ATF6: variants seen among roughly 807,000 people sequenced by gnomAD.
ATF6 encodes the protein cyclic AMP-dependent transcription factor ATF-6 alpha.
Under a neutral mutation model 83.6 loss-of-function variants are expected in ATF6, and 53 were observed. The observed-to-expected ratio is 0.63, with a 90% confidence interval of 0.51 to 0.80. ATF6 has a LOEUF of 0.80. Among genes scored for constraint, ATF6 ranks in the 30% least tolerant of loss-of-function variants. ATF6 has a pLI of 0.00. For synonymous variants in ATF6, 288 were observed against 285.8 expected, an observed-to-expected ratio of 1.01 and a Z score of -0.08; for missense variants, 744 against 797.9, an observed-to-expected ratio of 0.93 and a Z score of 0.81.
At chr1:161,880,092 T>C (rs1037630022) in intron 14 of ATF6, among the ~76,000 whole-genome samples, 1 of 152,112 alleles carries the variant, frequency 6.6e-6, no homozygotes, top group Non-Finnish European at 1.5e-5. Context: ...ATAAAATCCT[T>C]GTGTTCAGAT....
chr1:161,794,716 A>G (rs1209784457), intron 6 of ATF6, among the ~76,000 whole-genome samples: 1 of 152,074 alleles, frequency 6.6e-6, no homozygotes, highest in Admixed American at 6.6e-5. Flanking sequence ...TGTTTTTCCT[A>G]GTTTTTTGGC....
At chr1:161,818,544 T>C (rs890087367) in intron 7 of ATF6, among the ~76,000 whole-genome samples, 10 of 152,168 alleles carry the variant, frequency 6.6e-5, no homozygotes, top group Admixed American at 5.9e-4. Flanking sequence ...CAGTATATCC[T>C]CCAAATTCTA....
rs1211736055 is a variant in ATF6, at chr1:161,851,811, T to G, written c.1409T>G (p.Leu470Arg). The change falls in exon 11 of 16, where the codon CTA becomes CGA. Residue 470 changes from leucine to arginine, a missense_variant. Leu to Arg is a moderately radical substitution (Grantham distance 102). Transcript: ENST00000367942. ...LYIPPPPCQP[L>R]INTTESLRLN... ...ATTCCTCCACCTCCTTGTCAGCCCC[T>G]AATTAACACAACAGAGTCTCTCAGG... 1 of 1,613,330 alleles carries G rather than the reference T, an allele frequency of 6.2e-7. No homozygotes were observed. Among genetic ancestry groups the G allele is most frequent in the Non-Finnish European group, 8.5e-7 (1 of 1,179,312 alleles).
intron 9 of ATF6, among the ~76,000 whole-genome samples, chr1:161,831,086 T>A (rs1182635364): frequency 6.6e-6 from 1 of 151,852 alleles, no homozygotes; most frequent in African/African-American, 2.4e-5. Flanking sequence ...TACAAAGAAC[T>A]CAAACAAATT....
rs191113196 is a variant in ATF6, at chr1:161,780,388, T to C, written c.160-1524T>C. Among the ~76,000 whole-genome samples the C allele has an allele frequency of 9.9e-3, 1,509 of 152,186 alleles. 8 individuals carry two copies. Among genetic ancestry groups the C allele is most frequent in the South Asian group, 0.017 (84 of 4,822 alleles). On this transcript the variant is annotated intron_variant, in intron 2 of 15. Transcript: ENST00000367942. Reference sequence around the variant, plus strand: ...TTTTTTATTTTTATTTTTATTTTTTTTTTGAGACGGAGTCTTGCTCTGTCG... The same window carrying C: ...TTTTTTATTTTTATTTTTATTTTTTCTTTGAGACGGAGTCTTGCTCTGTCG...
At chr1:161,855,568 T>G (rs1416260345) in intron 12 of ATF6, among the ~76,000 whole-genome samples, 1 of 152,056 alleles carries the variant, frequency 6.6e-6, no homozygotes, top group African/African-American at 2.4e-5. Context: ...TGCTACTAGC[T>G]AGAGAGAAAT....
At chr1:161,887,523 T>G (rs1166886017) in intron 14 of ATF6, among the ~76,000 whole-genome samples, 1 of 152,048 alleles carries the variant, frequency 6.6e-6, no homozygotes, top group Non-Finnish European at 1.5e-5. Context: ...AGCATCAGAG[T>G]TTTAAGATGA....
intron 7 of ATF6, among the ~76,000 whole-genome samples, chr1:161,810,780 C>T (rs1169354381): frequency 6.6e-6 from 1 of 152,122 alleles, no homozygotes; most frequent in Non-Finnish European, 1.5e-5. Context: ...TTTCTCACTC[C>T]CTGCAGCCCC....
chr1:161,922,801 A>G (rs944878746), intron 15 of ATF6, among the ~76,000 whole-genome samples: 1 of 152,076 alleles, frequency 6.6e-6, no homozygotes, highest in Admixed American at 6.6e-5. Context: ...AGGGAGAGGA[A>G]GGAATGATAC....
intron 14 of ATF6, among the ~76,000 whole-genome samples, chr1:161,896,278 A>G (rs1687675691): frequency 6.6e-6 from 1 of 152,118 alleles, no homozygotes. Flanking sequence ...TGTAATTTTG[A>G]TAGAAACAGG....
At chr1:161,819,248 C>A (rs189813388) in intron 7 of ATF6, among the ~76,000 whole-genome samples, 11 of 151,884 alleles carry the variant, frequency 7.2e-5, no homozygotes, top group Middle Eastern at 3.4e-3. Context: ...TAAGAAGTGG[C>A]CTTATAATTA....
At chr1:161,798,516 G>T (rs1685071941) in intron 6 of ATF6, among the ~76,000 whole-genome samples, 1 of 152,208 alleles carries the variant, frequency 6.6e-6, no homozygotes, top group Non-Finnish European at 1.5e-5. Context: ...GGAGGCTGAG[G>T]CAGGAGAATT....
intron 12 of ATF6, among the ~76,000 whole-genome samples, chr1:161,855,086 G>A (rs1686728819): frequency 2.6e-5 from 4 of 152,104 alleles, no homozygotes; most frequent in African/African-American, 7.2e-5. Flanking sequence ...TTCATCATGG[G>A]TTTGAGGGGA....
In ATF6 at chr1:161,855,657, A is replaced by C. The variant is rs79515951; in HGVS notation, c.1533+2334A>C. Among the ~76,000 whole-genome samples, 1,503 of 152,328 alleles carry C rather than the reference A, an allele frequency of 9.9e-3. 8 individuals carry two copies. Among genetic ancestry groups the C allele is most frequent in the South Asian group, 0.017 (83 of 4,834 alleles). The stretch of plus-strand genomic sequence containing the variant: ...ACAGGTTGAAAGAGAAAGAGGAACC[A>C]GTACTTGAAAAGGAAGAAGAGTAGC... On this transcript the variant is annotated intron_variant, in intron 12 of 15. Coordinates refer to ENST00000367942, the MANE Select transcript of ATF6 (RefSeq NM_007348.4).
intron 14 of ATF6, among the ~76,000 whole-genome samples, chr1:161,895,088 T>G (rs2101874095): frequency 6.6e-6 from 1 of 152,144 alleles, no homozygotes; most frequent in East Asian, 1.9e-4. Flanking sequence ...ATTACCAAAG[T>G]TAGCTGGGCA....
chr1:161,889,561 G>C (rs1410288599), intron 14 of ATF6, among the ~76,000 whole-genome samples: 1 of 152,212 alleles, frequency 6.6e-6, no homozygotes, highest in African/African-American at 2.4e-5. Context: ...CTAATTGGAA[G>C]ATCATTTCAT....
intron 15 of ATF6, among the ~76,000 whole-genome samples, chr1:161,942,916 C>A (rs906834742): frequency 6.6e-6 from 1 of 152,094 alleles, no homozygotes; most frequent in African/African-American, 2.4e-5. Flanking sequence ...AGTGCAGTGG[C>A]GCAATCTTGG....
intron 14 of ATF6, among the ~76,000 whole-genome samples, chr1:161,869,701 G>C (rs911510610): frequency 1.3e-5 from 2 of 151,766 alleles, no homozygotes; most frequent in East Asian, 3.8e-4. Context: ...ATAGAGCAGA[G>C]TTGACTGAGT....
At chr1:161,940,106 T>C (rs1049148176) in intron 15 of ATF6, among the ~76,000 whole-genome samples, 6 of 152,198 alleles carry the variant, frequency 3.9e-5, no homozygotes, top group Admixed American at 1.3e-4. Context: ...CTACCCATCT[T>C]AGGTCTCCCA....
Sources: gnomAD v4.1 joint callset for allele counts (sites outside exome capture counted in the v4.1 genomes callset) on GRCh38, gnomAD v4.1.1 for gene constraint, MANE v1.5 for transcripts, NCBI Gene and HGNC (gene_info 2026-07-23, HGNC 2026-07-21) for gene names.